ATP6V0A2: variants seen among roughly 807,000 people sequenced by gnomAD.
ATP6V0A2 encodes the protein ATPase H+ transporting V0 subunit a2.
ATP6V0A2 carries 58 observed loss-of-function variants against 104.4 expected under a neutral mutation model. That is an observed-to-expected ratio of 0.56 (90% CI 0.45 to 0.69). The LOEUF is 0.69. Ranked by LOEUF, ATP6V0A2 falls within the 30% of genes least tolerant of loss-of-function variation. ATP6V0A2 has a pLI of 0.00. For missense variants in ATP6V0A2, 938 were observed against 1,062.9 expected (o/e 0.88, Z 1.63); for synonymous variants, 376 against 397.9 (o/e 0.95, Z 0.65).
At chr12:123,714,458 C>T (rs1956321048) in intron 1 of ATP6V0A2, among the ~76,000 whole-genome samples, 1 of 152,092 alleles carries the variant, frequency 6.6e-6, no homozygotes, top group African/African-American at 2.4e-5. Flanking sequence ...TGGTGACTTC[C>T]GTGGTGACAG....
chr12:123,736,802 A>G (rs1956558437), intron 8 of ATP6V0A2, among the ~76,000 whole-genome samples: 1 of 152,052 alleles, frequency 6.6e-6, no homozygotes, highest in African/African-American at 2.4e-5. Flanking sequence ...CCTGTGCCCT[A>G]GGGTCATGTT....
chr12:123,733,706 A>G, intron 6 of ATP6V0A2: 2 of 553,888 alleles, frequency 3.6e-6, no homozygotes, highest in Non-Finnish European at 3.2e-6. Flanking sequence ...TCGGGTGCCT[A>G]AAAGTTTTGG....
At position 123,745,087 on chromosome 12, in the gene ATP6V0A2, G is replaced by GTGC. The variant is rs1956648425; in HGVS notation, c.1605+117_1605+119dup. 3 of 1,037,662 alleles carry GTGC rather than the reference G, an allele frequency of 2.9e-6. No homozygotes were observed. In the South Asian group the frequency reaches 4.0e-5, roughly 14 times the overall value. The allele number at this position is 1,037,662 out of a possible 1,614,324, so 64.3% of individuals were successfully genotyped here. A position where few individuals can be genotyped will look rare whatever the true frequency, so the allele number is the denominator to read the frequency against. On this transcript the variant is annotated intron_variant, in intron 13 of 19. Transcript: ENST00000330342. ...GGGTTCACGCTGCCCTGAGCGGGAGGTGCTCATTAGCCCCTGTGCATCCCA... is the reference window on the plus strand; with the variant it reads ...GGGTTCACGCTGCCCTGAGCGGGAGGTGCTGCTCATTAGCCCCTGTGCATCCCA...
chr12:123,730,626 CTGA>C (rs1186091236), intron 6 of ATP6V0A2: 1 of 152,146 alleles, frequency 6.6e-6, no homozygotes. Flanking sequence ...CTATTTCAAG[CTGA>C]TGATTAAAAC....
rs1225803032 is a variant in ATP6V0A2 at position 123,759,280 on chromosome 12, A to T, written c.*1248A>T. On this transcript the variant is annotated 3_prime_UTR_variant, in exon 20 of 20. Coordinates refer to ENST00000330342, the MANE Select transcript of ATP6V0A2 (RefSeq NM_012463.4). ...AGATATTTTACCATGAAGAGATTGC[A>T]CTTATCCTTGAGAACAGTCTAATGA... 1 of 152,254 alleles carries T rather than the reference A, an allele frequency of 6.6e-6. No individual in the cohort carries two copies. Among genetic ancestry groups the T allele is most frequent in the Admixed American group, 6.5e-5 (1 of 15,284 alleles). The allele number at this position is 152,254 out of a possible 1,614,324, so 9.4% of individuals were successfully genotyped here.
Position 123,744,112 on chromosome 12 carries a change from T to C in ATP6V0A2, c.1190-89T>C. The C allele has an allele frequency of 6.4e-7, 1 of 1,573,080 alleles. No homozygotes were observed. The highest frequency in any genetic ancestry group is 8.7e-7 in the Non-Finnish European group (1 of 1,144,118). On this transcript the variant is annotated intron_variant, in intron 10 of 19. Transcript: ENST00000330342. This position sits in a 1 kb window ranked among gnomAD's most constrained non-coding sequence, Gnocchi z 5.4. ...CCTATCTTGTGAATTCTGGAGAAAG[T>C]CAAGATTGTTATGTATCATTGTGTT...
chr12:123,742,816 A>T (rs1490087692), intron 9 of ATP6V0A2, among the ~76,000 whole-genome samples: 1 of 151,990 alleles, frequency 6.6e-6, no homozygotes, highest in East Asian at 1.9e-4. Flanking sequence ...AGCCTGGGTG[A>T]CAGAGCGAGA....
At chr12:123,756,134 A>G (rs1207749228) in intron 18 of ATP6V0A2, among the ~76,000 whole-genome samples, 2 of 151,242 alleles carry the variant, frequency 1.3e-5, no homozygotes, top group East Asian at 3.9e-4. Context: ...GGCCAACAAT[A>G]TAGCCAACAA....
Position 123,744,505 on chromosome 12 carries a change from A to G in ATP6V0A2, c.1327-92A>G. 1 of 1,584,880 alleles carries G rather than the reference A, an allele frequency of 6.3e-7. No homozygotes were observed. Among genetic ancestry groups the G allele is most frequent in the Non-Finnish European group, 8.6e-7 (1 of 1,158,166 alleles). ...GTCTGCGGGGCGAGGCTGTTTTCTGAGAAGTGAGTGGTGAGGGTCGTGCCC... is the reference window on the plus strand; with the variant it reads ...GTCTGCGGGGCGAGGCTGTTTTCTGGGAAGTGAGTGGTGAGGGTCGTGCCC... On this transcript the variant is annotated intron_variant, in intron 11 of 19. Coordinates refer to ENST00000330342, the MANE Select transcript of ATP6V0A2 (RefSeq NM_012463.4). The surrounding 1 kb of genome is among the most constrained non-coding windows in gnomAD (Gnocchi z 5.4).
chr12:123,712,464 G>A lies in ATP6V0A2; in HGVS notation c.-102G>A, dbSNP rs1956301560. 2.9e-6 allele frequency: 2 copies of A among 695,012 alleles called. No homozygotes were observed. Among genetic ancestry groups the A allele is most frequent in the Non-Finnish European group, 4.3e-6 (2 of 461,950 alleles). 43.1% of individuals were successfully genotyped at this position (695,012 alleles called of 1,614,324 possible). ...AGTGCGGGGCCGCGGCCAGGCCACAGGAAGAGCTCGAGGCCCGGGCCGCAC... is the reference window on the plus strand; with the variant it reads ...AGTGCGGGGCCGCGGCCAGGCCACAAGAAGAGCTCGAGGCCCGGGCCGCAC... On this transcript the variant is annotated 5_prime_UTR_variant, in exon 1 of 20. Transcript: ENST00000330342.
At position 123,758,778 on chromosome 12, in the gene ATP6V0A2, T is replaced by TC. The variant is rs1261396372; in HGVS notation, c.*749dup. On this transcript the variant is annotated 3_prime_UTR_variant, in exon 20 of 20. Transcript: ENST00000330342. ...CTCAAGTGATCCACCTGCCTCGGCC[T>TC]CCCTAAGTGCTGGGATTACAGGCGT... 1.3e-5 allele frequency: 2 copies of TC among 152,170 alleles called. No homozygotes were observed. Among genetic ancestry groups the TC allele is most frequent in the African/African-American group, 4.8e-5 (2 of 41,434 alleles). The allele number at this position is 152,170 out of a possible 1,614,324, so 9.4% of individuals were successfully genotyped here.
At chr12:123,730,054 T>TG (rs1478644890) in intron 6 of ATP6V0A2, among the ~76,000 whole-genome samples, 1 of 68,292 alleles carries the variant, frequency 1.5e-5, no homozygotes, top group Admixed American at 1.7e-4. Flanking sequence ...CTTTTTTTTT[T>TG]TTTTTTTTTT....
chr12:123,733,889 C>T lies in ATP6V0A2; in HGVS notation c.649-37C>T, dbSNP rs149485642. 523 of 1,498,450 alleles carry T rather than the reference C, an allele frequency of 3.5e-4. 3 individuals carry two copies. Among genetic ancestry groups the T allele is most frequent in the African/African-American group, 3.2e-3 (233 of 72,698 alleles). 92.8% of individuals were successfully genotyped at this position (1,498,450 alleles called of 1,614,324 possible). ...TGCCGAAGTTCTAGAAGTTTATACA[C>T]GCAGAAATAACACTTATCCTTATTC... is the stretch of plus-strand genomic sequence containing the variant. On this transcript the variant is annotated intron_variant, in intron 6 of 19. Coordinates refer to ENST00000330342, the MANE Select transcript of ATP6V0A2 (RefSeq NM_012463.4).
At chr12:123,723,712 G>A (rs1356185507) in intron 3 of ATP6V0A2, 1 of 152,128 alleles carries the variant, frequency 6.6e-6, no homozygotes, top group Non-Finnish European at 1.5e-5. Flanking sequence ...ACCCACCTTG[G>A]CTTCCCAAAG....
chr12:123,755,539 AAAAAAAAAAAGCT>A (rs1451011586), intron 18 of ATP6V0A2, among the ~76,000 whole-genome samples: 2 of 149,900 alleles, frequency 1.3e-5, no homozygotes, highest in Non-Finnish European at 1.5e-5. Context: ...CTGTCTCAAA[AAAAAAAAAAAGCT>A]AAAAAAAAAA....
chr12:123,728,070 G>C (rs1956464971), intron 6 of ATP6V0A2, among the ~76,000 whole-genome samples, 161 bp downstream of exon 6: 1 of 152,166 alleles, frequency 6.6e-6, no homozygotes, highest in South Asian at 2.1e-4. Flanking sequence ...CCTGAAATCA[G>C]GGACATTGTC....
Position 123,752,410 on chromosome 12 carries a change from T to C in ATP6V0A2, c.2175+8T>C. 2 of 1,613,974 alleles carry C rather than the reference T, an allele frequency of 1.2e-6. No homozygotes were observed. The highest frequency in any genetic ancestry group is 1.7e-6 in the Non-Finnish European group (2 of 1,179,860). Reference sequence around the variant, plus strand: ...GAAATGGCGTGTGAAGAGGTAAATCTTTTCAACTGCTATTGATAAACTTAG... The same window carrying C: ...GAAATGGCGTGTGAAGAGGTAAATCCTTTCAACTGCTATTGATAAACTTAG... On this transcript the variant is annotated splice_region_variant and intron_variant, in intron 17 of 19. Coordinates refer to ENST00000330342, the MANE Select transcript of ATP6V0A2 (RefSeq NM_012463.4).
rs1248325713 is a variant in ATP6V0A2 at position 123,751,862 on chromosome 12, C to T, written c.2056-421C>T. 2.0e-3 allele frequency among the ~76,000 whole-genome samples: 243 copies of T among 123,444 alleles called. 1 individual carries two copies. Among genetic ancestry groups the T allele is most frequent in the Non-Finnish European group, 3.2e-3 (196 of 61,030 alleles). The allele number at this position is 123,444 out of a possible 152,430, so 81.0% of individuals were successfully genotyped here. ...TTTCTTTTCTTTTCTTTCTTTCTTT[C>T]TTTTTTTTTTTTTTTGAGACTGGAG... On this transcript the variant is annotated intron_variant, in intron 16 of 19. Transcript: ENST00000330342.
At chr12:123,740,777 C>T (rs77988284) in intron 9 of ATP6V0A2, among the ~76,000 whole-genome samples, 3,089 of 152,210 alleles carry the variant, frequency 0.02, 47 homozygotes, top group African/African-American at 0.034. Context: ...CTCTTCGCGC[C>T]TTCTGTTTCT....
Sources: allele counts gnomAD v4.1 joint callset (sites outside exome capture counted in the v4.1 genomes callset), GRCh38; gene constraint gnomAD v4.1.1; non-coding constraint Gnocchi (gnomAD v3.1); transcripts MANE v1.5; gene names NCBI Gene and HGNC (gene_info 2026-07-23, HGNC 2026-07-21).